ATP10B: variants seen among roughly 807,000 people sequenced by gnomAD.
ATP10B encodes the protein ATPase phospholipid transporting 10B (putative), also known as phospholipid-transporting ATPase VB.
A neutral mutation model predicts 141.2 loss-of-function variants in ATP10B; 122 were observed. That is an observed-to-expected ratio of 0.86 (90% CI 0.75 to 1.00). ATP10B has a LOEUF of 1.00. ATP10B is among the 50% of genes least tolerant of loss of function. The pLI, the probability that ATP10B is intolerant of heterozygous loss-of-function variation, is 0.00. For missense variants in ATP10B, 1,876 were observed against 1,825.3 expected, an observed-to-expected ratio of 1.03 and a Z score of -0.51; for synonymous variants, 685 against 692.0, an observed-to-expected ratio of 0.99 and a Z score of 0.16.
intron 2 of ATP10B, among the ~76,000 whole-genome samples, chr5:160,784,536 A>AGTT (rs531152473): frequency 6.6e-6 from 1 of 152,108 alleles, no homozygotes; most frequent in African/African-American, 2.4e-5. Context: ...TGTTATTTGT[A>AGTT]GTTGTTGTTG....
At chr5:160,925,569 T>C in the ATP10B span, among the ~76,000 whole-genome samples, 1 of 152,254 alleles carries the variant, frequency 6.6e-6, no homozygotes, top group Non-Finnish European at 1.5e-5. Flanking sequence ...CTTCTATCAG[T>C]GGCAGATACG....
At chr5:160,850,200 G>A (rs1450205125) in intron 1 of ATP10B, among the ~76,000 whole-genome samples, 1 of 152,096 alleles carries the variant, frequency 6.6e-6, no homozygotes, top group Non-Finnish European at 1.5e-5. Context: ...GAGGTCAGGA[G>A]TTCGAGACCA....
chr5:160,790,276 AG>A (rs1181800671), intron 1 of ATP10B, among the ~76,000 whole-genome samples: 1 of 152,174 alleles, frequency 6.6e-6, no homozygotes, highest in African/African-American at 2.4e-5. Flanking sequence ...ACTTGAAAAA[AG>A]TTTGTAAAGA....
At chr5:160,867,146 T>G in the ATP10B span, among the ~76,000 whole-genome samples, 1 of 152,046 alleles carries the variant, frequency 6.6e-6, no homozygotes, top group Admixed American at 6.6e-5. Flanking sequence ...ATTAAATGTG[T>G]AGCAGTCACA....
At chr5:160,879,566 G>A in the ATP10B span, among the ~76,000 whole-genome samples, 13 of 150,574 alleles carry the variant, frequency 8.6e-5, no homozygotes, top group East Asian at 3.9e-4. Flanking sequence ...ACGGCCAGGC[G>A]CGGTGGCTCT....
rs188245834 is a variant in ATP10B, at chr5:160,790,662, C to T, written c.-575-4859G>A. 3.3e-5 allele frequency among the ~76,000 whole-genome samples: 5 copies of T among 152,206 alleles called. No individual in the cohort carries two copies. The East Asian group carries it at 7.7e-4, about 24-fold the overall frequency. On this transcript the variant is annotated intron_variant, in intron 1 of 25. Coordinates refer to ENST00000327245, the MANE Select transcript of ATP10B (RefSeq NM_025153.3). ...CTGTAAATGAGGAGGACAGTTGAAA[C>T]AAGATCATAAGTTGACAAAAGGATG...
rs373815202 is a variant in ATP10B at position 160,845,222 on chromosome 5, G to GT, written c.-576+6718dup. Among the ~76,000 whole-genome samples, 602 of 152,262 alleles carry GT rather than the reference G, an allele frequency of 4.0e-3. 4 individuals carry two copies. The highest frequency in any genetic ancestry group is 0.014 in the African/African-American group (568 of 41,554). On this transcript the variant is annotated intron_variant, in intron 1 of 25. Coordinates refer to ENST00000327245, the MANE Select transcript of ATP10B (RefSeq NM_025153.3). ...TCTAAAATTTAAAAAATATCCTGCTGTTTCCTTATGAGCACATTGTGGTAC... is the reference window on the plus strand; with the variant it reads ...TCTAAAATTTAAAAAATATCCTGCTGTTTTCCTTATGAGCACATTGTGGTAC...
chr5:160,682,310 G>A (rs1763455309), intron 6 of ATP10B, among the ~76,000 whole-genome samples: 1 of 152,192 alleles, frequency 6.6e-6, no homozygotes, highest in South Asian at 2.1e-4. Context: ...GTATTTTTTC[G>A]GAGACTATTT....
chr5:160,587,997 A>T (rs564774189), intron 24 of ATP10B, among the ~76,000 whole-genome samples: 6 of 152,236 alleles, frequency 3.9e-5, no homozygotes, highest in African/African-American at 1.4e-4. Flanking sequence ...TTACGGGCAC[A>T]TGCCATCATG....
chr5:160,619,144 C>T (rs146705012), intron 15 of ATP10B, among the ~76,000 whole-genome samples: 5 of 152,212 alleles, frequency 3.3e-5, no homozygotes, highest in African/African-American at 4.8e-5. Flanking sequence ...TTAAAGACAC[C>T]AGCTCCTGAG....
intron 3 of ATP10B, among the ~76,000 whole-genome samples, chr5:160,706,392 T>C (rs1297761443): frequency 1.3e-5 from 2 of 152,232 alleles, no homozygotes; most frequent in Non-Finnish European, 2.9e-5. Flanking sequence ...TGTGTTATTA[T>C]ATAATTAATA....
chr5:160,752,236 T>G (rs1768209819), intron 2 of ATP10B, among the ~76,000 whole-genome samples: 1 of 151,264 alleles, frequency 6.6e-6, no homozygotes, highest in Non-Finnish European at 1.5e-5. Flanking sequence ...ATTTGTAGAA[T>G]CTTTCCATTT....
At chr5:160,807,645 T>C (rs1193823345) in intron 1 of ATP10B, among the ~76,000 whole-genome samples, 2 of 152,174 alleles carry the variant, frequency 1.3e-5, no homozygotes, top group East Asian at 3.8e-4. Flanking sequence ...AGGATGGACC[T>C]CCATAGTGAT....
At chr5:160,716,840 C>G in intron 3 of ATP10B, 69 bp downstream of exon 3, 1 of 925,196 alleles carries the variant, frequency 1.1e-6, no homozygotes, top group Non-Finnish European at 1.3e-6. Context: ...ACTATTGGAG[C>G]TACATCCACC....
At chr5:160,759,959 C>T (rs1768909254) in intron 2 of ATP10B, among the ~76,000 whole-genome samples, 4 of 152,186 alleles carry the variant, frequency 2.6e-5, no homozygotes, top group Non-Finnish European at 5.9e-5. Flanking sequence ...ACTTCCACCG[C>T]AGCCATTACC....
chr5:160,698,926 C>T (rs1159015908), intron 3 of ATP10B, among the ~76,000 whole-genome samples: 1 of 152,228 alleles, frequency 6.6e-6, no homozygotes, highest in Non-Finnish European at 1.5e-5. Context: ...CTTCACTTCT[C>T]ATCCCCATGT....
chr5:160,834,257 G>A (rs544323414), intron 1 of ATP10B, among the ~76,000 whole-genome samples: 1 of 152,070 alleles, frequency 6.6e-6, no homozygotes, highest in South Asian at 2.1e-4. Flanking sequence ...CCTGGGAGGT[G>A]GAGGTTGCAA....
chr5:160,773,817 A>G (rs2127861941), intron 2 of ATP10B, among the ~76,000 whole-genome samples: 1 of 150,578 alleles, frequency 6.6e-6, no homozygotes, highest in East Asian at 2.1e-4. Context: ...CCTGGCAGAC[A>G]GTCTTATTGT....
intron 24 of ATP10B, among the ~76,000 whole-genome samples, chr5:160,577,082 AT>A (rs1266464513): frequency 6.6e-6 from 1 of 152,210 alleles, no homozygotes; most frequent in Non-Finnish European, 1.5e-5. Flanking sequence ...GGAATATGGC[AT>A]TGGGAATGTG....
Sources: gnomAD v4.1 joint callset for allele counts (sites outside exome capture counted in the v4.1 genomes callset) on GRCh38, gnomAD v4.1.1 for gene constraint, MANE v1.5 for transcripts, NCBI Gene and HGNC (gene_info 2026-07-23, HGNC 2026-07-21) for gene names.